The following FAT3 variants were observed in gnomAD, a reference collection of about 807,000 sequenced individuals.
FAT3 encodes FAT atypical cadherin 3.
Under a neutral mutation model 310.2 loss-of-function variants are expected in FAT3, and 95 were observed. The observed-to-expected ratio is 0.31, with a 90% confidence interval of 0.26 to 0.36. FAT3 has a LOEUF of 0.36. FAT3 is among the 10% of genes least tolerant of loss of function. FAT3 has a pLI of 1.00. For synonymous variants in FAT3, 2,314 were observed against 2,192.9 expected (o/e 1.06, Z -1.54); for missense variants, 5,408 against 5,715.6 (o/e 0.95, Z 1.74).
intron 4 of FAT3, among the ~76,000 whole-genome samples, chr11:92,699,790 T>C (rs1311585467): frequency 6.6e-6 from 1 of 152,220 alleles, no homozygotes; most frequent in Non-Finnish European, 1.5e-5. Flanking sequence ...ATAAAATACA[T>C]GTAAAACATC....
rs766190037 is a variant in FAT3, at chr11:92,789,942, G to A, written c.4336-1G>A. ...TCATTCTTTTCTTCTTTTAACTACA[G>A]GTATTTATCAAAGTGCTGGATAATA... On this transcript the variant is annotated splice_acceptor_variant, in intron 7 of 27. Coordinates refer to ENST00000525166, the MANE Select transcript of FAT3 (RefSeq NM_001367949.2). LOFTEE classifies it high-confidence loss of function. The A allele has an allele frequency of 1.2e-6, 2 of 1,613,054 alleles. No individual in the cohort carries two copies. Among genetic ancestry groups the A allele is most frequent in the African/African-American group, 1.3e-5 (1 of 74,974 alleles).
intron 21 of FAT3, among the ~76,000 whole-genome samples, chr11:92,862,139 G>C (rs1949134145): frequency 6.6e-6 from 1 of 152,200 alleles, no homozygotes; most frequent in African/African-American, 2.4e-5. Flanking sequence ...AAGGTTAAGA[G>C]CCAACCAGTG....
intron 4 of FAT3, among the ~76,000 whole-genome samples, chr11:92,743,014 C>T (rs1206232087): frequency 6.6e-6 from 1 of 152,162 alleles, no homozygotes; most frequent in Non-Finnish European, 1.5e-5. Flanking sequence ...AGAGTATGCA[C>T]TTAATCCAGT....
intron 14 of FAT3, among the ~76,000 whole-genome samples, chr11:92,832,505 T>A (rs1288749784): frequency 1.6e-4 from 25 of 152,168 alleles, no homozygotes; most frequent in Admixed American, 1.6e-3. Context: ...CTCCAGCTTC[T>A]AAAGATGGCT....
At chr11:92,307,997 T>A (rs1186345604) in intron 1 of FAT3, among the ~76,000 whole-genome samples, 3 of 152,134 alleles carry the variant, frequency 2.0e-5, no homozygotes, top group African/African-American at 7.2e-5. Context: ...TTTAACCAGA[T>A]GTAAACCTAG....
At chr11:92,605,718 TG>T (rs1345300908) in intron 3 of FAT3, among the ~76,000 whole-genome samples, 35 of 126,650 alleles carry the variant, frequency 2.8e-4, no homozygotes, top group South Asian at 1.2e-3. Flanking sequence ...AAAATAGCTA[TG>T]TTTTTTTTTT....
Position 92,606,991 on chromosome 11 carries a change from A to C in FAT3, c.3607+82043A>C, listed in dbSNP as rs886776830. Among the ~76,000 whole-genome samples, 4 of 152,174 alleles carry C rather than the reference A, an allele frequency of 2.6e-5. 1 individual carries two copies. In the East Asian group the frequency reaches 7.7e-4, roughly 29 times the overall value. ...CAGAGGAGCTTTAGTGCCTCCCTGC[A>C]TCTTCATCTTCTCTGTTCCACACCA... On this transcript the variant is annotated intron_variant, in intron 3 of 27. Transcript: ENST00000525166.
chr11:92,714,509 G>GA (rs996220919), intron 4 of FAT3, among the ~76,000 whole-genome samples: 6 of 149,464 alleles, frequency 4.0e-5, no homozygotes, highest in East Asian at 2.0e-4. Flanking sequence ...CACAAAAAAG[G>GA]AAAAAAAAAA....
intron 2 of FAT3, among the ~76,000 whole-genome samples, chr11:92,488,845 G>A (rs1382376963): frequency 6.6e-6 from 1 of 152,068 alleles, no homozygotes; most frequent in Non-Finnish European, 1.5e-5. Context: ...TTTCAGCTCT[G>A]CCACTTACTA....
intron 6 of FAT3, 85 bp from the exon 7 acceptor site, chr11:92,773,956 T>A: frequency 1.3e-6 from 2 of 1,501,870 alleles, no homozygotes; most frequent in Non-Finnish European, 1.8e-6. Context: ...AATTTCTGTA[T>A]AAGAGCTCCC....
At position 92,354,921 on chromosome 11, in the gene FAT3, A is replaced by G. The variant is rs1327399448; in HGVS notation, c.2809A>G (p.Ile937Val). 1.9e-6 allele frequency: 3 copies of G among 1,613,762 alleles called. No individual in the cohort carries two copies. Among genetic ancestry groups the G allele is most frequent in the African/African-American group, 2.7e-5 (2 of 74,902 alleles). Residue 937 changes from isoleucine to valine, a missense_variant, in exon 2 of 28, where the codon ATT (isoleucine) becomes GTT (valine). Transcript: ENST00000525166. ...DDVNDCSPAF[I>V]PSSYSVKVLE... ...TGTCAATGACTGCTCCCCAGCTTTC[A>G]TTCCCAGTAGCTATAGTGTGAAGGT... is the stretch of plus-strand genomic sequence containing the variant.
intron 23 of FAT3, among the ~76,000 whole-genome samples, chr11:92,882,179 CTT>C (rs1274324890): frequency 6.6e-6 from 1 of 152,120 alleles, no homozygotes; most frequent in East Asian, 1.9e-4. Context: ...TTTTGAGGCT[CTT>C]TCTACTCTTT....
intron 1 of FAT3, among the ~76,000 whole-genome samples, chr11:92,323,999 C>T (rs190066303): frequency 2.2e-4 from 33 of 152,304 alleles, no homozygotes; most frequent in African/African-American, 7.7e-4. Flanking sequence ...CATGAATCAA[C>T]TTCTGCTAGC....
At chr11:92,613,505 G>C (rs1052146632) in intron 3 of FAT3, among the ~76,000 whole-genome samples, 7 of 151,940 alleles carry the variant, frequency 4.6e-5, no homozygotes, top group Non-Finnish European at 8.8e-5. Flanking sequence ...TGTTTTAATC[G>C]CTGTTTTTAA....
rs145905977 is a variant in FAT3 at position 92,392,719 on chromosome 11, ACT to A, written c.3292+37316_3292+37317del. 9.1e-3 allele frequency among the ~76,000 whole-genome samples: 1,382 copies of A among 152,290 alleles called. 19 individuals carry two copies. The highest frequency in any genetic ancestry group is 0.032 in the African/African-American group (1,327 of 41,564). On this transcript the variant is annotated intron_variant, in intron 2 of 27. Coordinates refer to ENST00000525166, the MANE Select transcript of FAT3 (RefSeq NM_001367949.2). The stretch of plus-strand genomic sequence containing the variant: ...GTATCTCCAGGCTGAGTAGTGCTAG[ACT>A]GTCATTGCTCAATAAAGGTGAAATA...
chr11:92,305,028 A>G (rs912110350), intron 1 of FAT3, among the ~76,000 whole-genome samples: 1 of 152,112 alleles, frequency 6.6e-6, no homozygotes. Flanking sequence ...AAAGTCACCC[A>G]TTTGCTTCAA....
At chr11:92,866,655 G>C in intron 21 of FAT3, 86 bp from the exon 22 acceptor site, 1 of 1,220,446 alleles carries the variant, frequency 8.2e-7, no homozygotes, top group Middle Eastern at 2.0e-4. Context: ...TTCTTGTGAA[G>C]CCCCCGGGCC....
chr11:92,803,386 C>T (rs960207313), intron 10 of FAT3, among the ~76,000 whole-genome samples: 1 of 152,160 alleles, frequency 6.6e-6, no homozygotes, highest in South Asian at 2.1e-4. Context: ...GTGCTGCCTC[C>T]AATTAACAAA....
chr11:92,498,769 C>A (rs555594488), intron 2 of FAT3: 1 of 152,480 alleles, frequency 6.6e-6, no homozygotes, highest in African/African-American at 2.4e-5. Flanking sequence ...GATACAAAAT[C>A]GGTTCCATGA....
Sources: allele counts gnomAD v4.1 joint callset (sites outside exome capture counted in the v4.1 genomes callset), GRCh38; gene constraint gnomAD v4.1.1; transcripts MANE v1.5; gene names NCBI Gene and HGNC (gene_info 2026-07-23, HGNC 2026-07-21).